TOX3: variants seen among roughly 807,000 people sequenced by gnomAD.
The protein encoded by TOX3 is CAG trinucleotide repeat-containing gene F9 protein.
In TOX3, 22 loss-of-function variants were observed where a neutral mutation model predicts 64.3. The ratio of observed to expected loss-of-function variants is 0.34; its 90% CI spans 0.24 to 0.49. The LOEUF is 0.49. TOX3 is among the 20% of genes least tolerant of loss of function. TOX3 has a pLI of 0.99. For missense variants in TOX3, 661 were observed against 714.4 expected, an observed-to-expected ratio of 0.93 and a Z score of 0.85; for synonymous variants, 291 against 273.6, an observed-to-expected ratio of 1.06 and a Z score of -0.63.
chr16:52,482,931 T>C (rs1961406256), intron 1 of TOX3, among the ~76,000 whole-genome samples: 1 of 152,158 alleles, frequency 6.6e-6, no homozygotes, highest in South Asian at 2.1e-4. Context: ...TTGGCCATAA[T>C]AAAAATAAGT....
chr16:52,470,272 T>C (rs192414397), intron 1 of TOX3, among the ~76,000 whole-genome samples: 20 of 152,370 alleles, frequency 1.3e-4, no homozygotes, highest in Non-Finnish European at 2.4e-4. Flanking sequence ...CAAATGTTCC[T>C]TTTGGATATT....
At chr16:52,546,467 G>T (rs533241695) in intron 1 of TOX3, among the ~76,000 whole-genome samples, 170 bp downstream of exon 1, 7 of 152,264 alleles carry the variant, frequency 4.6e-5, no homozygotes, top group African/African-American at 1.7e-4. Context: ...GTGGGATGGG[G>T]CAGAAAGAGA....
chr16:52,453,573 G>C lies in TOX3; in HGVS notation c.409-3027C>G, dbSNP rs147845627. Reference sequence around the variant, plus strand: ...AAATTCTAGGGCACATTTAAATGAAGTATTTTAATTCTGACTGTATAATAC... The same window carrying C: ...AAATTCTAGGGCACATTTAAATGAACTATTTTAATTCTGACTGTATAATAC... On this transcript the variant is annotated intron_variant, in intron 3 of 6. Coordinates refer to ENST00000219746, the MANE Select transcript of TOX3 (RefSeq NM_001080430.4). 7.9e-4 allele frequency among the ~76,000 whole-genome samples: 121 copies of C among 152,274 alleles called. 1 individual carries two copies. Among genetic ancestry groups the C allele is most frequent in the African/African-American group, 2.1e-3 (87 of 41,566 alleles).
intron 1 of TOX3, among the ~76,000 whole-genome samples, chr16:52,493,276 T>C (rs1188532103): frequency 6.6e-6 from 1 of 152,168 alleles, no homozygotes; most frequent in Non-Finnish European, 1.5e-5. Flanking sequence ...TATACCTATA[T>C]GCATAGCCAC....
In TOX3 at chr16:52,485,213, T is replaced by A. The variant is rs1444498580; in HGVS notation, c.88-16639A>T. 7.3e-5 allele frequency among the ~76,000 whole-genome samples: 10 copies of A among 136,554 alleles called. No individual in the cohort carries two copies. In the Admixed American group the frequency reaches 7.5e-4, roughly 10 times the overall value. 89.6% of individuals were successfully genotyped at this position (136,554 alleles called of 152,430 possible). ...TGTAGTGTGTGTGTATATGTGTGTG[T>A]GTATATACATGTGTGTGTGTGTATG... On this transcript the variant is annotated intron_variant, in intron 1 of 6. Transcript: ENST00000219746.
intron 1 of TOX3, among the ~76,000 whole-genome samples, chr16:52,492,434 G>A (rs1348678362): frequency 7.0e-6 from 1 of 143,788 alleles, no homozygotes; most frequent in East Asian, 2.0e-4. Context: ...ATATATATTA[G>A]TTTGAAAAAT....
At chr16:52,519,539 T>G in intron 1 of TOX3, 2 of 1,535,568 alleles carry the variant, frequency 1.3e-6, no homozygotes, top group Non-Finnish European at 8.8e-7. Context: ...GACTCTTCTG[T>G]CCTCTGCTGG....
rs545619492 is a variant in TOX3, at chr16:52,543,570, G to A, written c.87+3067C>T. Among the ~76,000 whole-genome samples the A allele has an allele frequency of 2.6e-5, 4 of 152,134 alleles. No homozygotes were observed. In the East Asian group the frequency reaches 7.7e-4, roughly 29 times the overall value. On this transcript the variant is annotated intron_variant, in intron 1 of 6. Coordinates refer to ENST00000219746, the MANE Select transcript of TOX3 (RefSeq NM_001080430.4). ...TGAGTTTTTATTTCTTAATATACAG[G>A]GTTTAATTTGTTAACCACACCAGAA...
At position 52,546,831 on chromosome 16, in the gene TOX3, G is replaced by A. The variant is rs1963206905; in HGVS notation, c.-108C>T. ...CGTCGAGGGCGCCCGGGGGTGGCGC[G>A]TGGGACTCGCGGCCGGAGGGGCGCC... On this transcript the variant is annotated 5_prime_UTR_variant, in exon 1 of 7. In the 5' UTR this introduces an upstream ATG that the reference lacks. Transcript: ENST00000219746. 1 of 1,256,810 alleles carries A rather than the reference G, an allele frequency of 8.0e-7. No homozygotes were observed. 77.9% of individuals were successfully genotyped at this position (1,256,810 alleles called of 1,614,324 possible).
chr16:52,439,498 C>CTGATTA lies in TOX3; in HGVS notation c.1457_1458insTAATCA (p.Met486delinsIleAsnGln). ...GCTGCTGCTGCTGCAGGTGCTGCTGCATGTGGTGCTGGAAATGCTGCTGCT... is the reference window on the plus strand; with the variant it reads ...GCTGCTGCTGCTGCAGGTGCTGCTGCTGATTAATGTGGTGCTGGAAATGCTGCTGCT... On this transcript the variant is annotated protein_altering_variant, in exon 7 of 7. Transcript: ENST00000219746. The CTGATTA allele has an allele frequency of 7.1e-7, 1 of 1,412,118 alleles. No homozygotes were observed. The highest frequency in any genetic ancestry group is 9.8e-7 in the Non-Finnish European group (1 of 1,020,378). 87.5% of individuals were successfully genotyped at this position (1,412,118 alleles called of 1,614,324 possible). A position where few individuals can be genotyped will look rare whatever the true frequency, so the allele number is the denominator to read the frequency against.
chr16:52,516,432 G>A (rs1962458406), intron 1 of TOX3, among the ~76,000 whole-genome samples: 1 of 152,172 alleles, frequency 6.6e-6, no homozygotes, highest in Admixed American at 6.5e-5. Flanking sequence ...CAGCAGCAAT[G>A]AAGGAGAAAA....
At chr16:52,477,203 T>C (rs1278220236) in intron 1 of TOX3, among the ~76,000 whole-genome samples, 1 of 152,110 alleles carries the variant, frequency 6.6e-6, no homozygotes, top group Non-Finnish European at 1.5e-5. Context: ...ACACAGGCTG[T>C]GTTCAAAGAA....
chr16:52,463,080 T>C (rs192819364), intron 3 of TOX3, among the ~76,000 whole-genome samples: 16 of 152,272 alleles, frequency 1.1e-4, no homozygotes, highest in South Asian at 4.1e-4. Context: ...CAGAGAAATA[T>C]GTAAACAAGC....
chr16:52,546,770 G>A lies in TOX3; in HGVS notation c.-47C>T. ...GGGGGCCGGGACTGGGGTTCGCCGG[G>A]GCCGGGACCCGCCTCCTCGCCGCCG... On this transcript the variant is annotated 5_prime_UTR_variant, in exon 1 of 7. Transcript: ENST00000219746. 3 of 1,447,302 alleles carry A rather than the reference G, an allele frequency of 2.1e-6. No homozygotes were observed. Among genetic ancestry groups the A allele is most frequent in the Non-Finnish European group, 2.7e-6 (3 of 1,101,066 alleles). The allele number at this position is 1,447,302 out of a possible 1,614,324, so 89.7% of individuals were successfully genotyped here. A position where few individuals can be genotyped will look rare whatever the true frequency, so the allele number is the denominator to read the frequency against.
intron 1 of TOX3, among the ~76,000 whole-genome samples, chr16:52,522,330 C>A (rs1962629457): frequency 6.6e-6 from 1 of 152,124 alleles, no homozygotes; most frequent in African/African-American, 2.4e-5. Flanking sequence ...TAGACAGTTT[C>A]CAAATAGTGC....
intron 1 of TOX3, among the ~76,000 whole-genome samples, chr16:52,546,124 C>T (rs985099544): frequency 6.6e-6 from 1 of 152,032 alleles, no homozygotes; most frequent in Non-Finnish European, 1.5e-5. Context: ...TCCCCCCACT[C>T]CCCTGTCCAG....
At chr16:52,458,301 A>G (rs1242424040) in intron 3 of TOX3, among the ~76,000 whole-genome samples, 2 of 152,168 alleles carry the variant, frequency 1.3e-5, no homozygotes, top group Non-Finnish European at 2.9e-5. Flanking sequence ...TGGAGCTTCT[A>G]TTCTGGTAGG....
Position 52,439,573 on chromosome 16 carries a change from C to T in TOX3, c.1383G>A (p.Gln461=), listed in dbSNP as rs1959878953. Residue 461 remains glutamine (Q), a synonymous_variant, in exon 7 of 7, where the codon CAG becomes CAA. Transcript: ENST00000219746. ...QQQQQMQQMQ[Q]QQLQQHQMHQ... ...GCATTTGGTGCTGCTGGAGTTGCTG[C>T]TGCTGCATCTGTTGCATCTGTTGTT... The T allele has an allele frequency of 1.3e-6, 2 of 1,565,756 alleles. No individual in the cohort carries two copies. The highest frequency in any genetic ancestry group is 1.9e-5 in the Admixed American group (1 of 53,624).
intron 1 of TOX3, among the ~76,000 whole-genome samples, chr16:52,528,081 TC>T (rs1326031855): frequency 6.6e-6 from 1 of 152,192 alleles, no homozygotes; most frequent in Non-Finnish European, 1.5e-5. Context: ...CAGCAGGGCA[TC>T]TACTGGTGAC....
Sources: gnomAD v4.1 joint callset for allele counts (sites outside exome capture counted in the v4.1 genomes callset) on GRCh38, gnomAD v4.1.1 for gene constraint, MANE v1.5 for transcripts, NCBI Gene and HGNC (gene_info 2026-07-23, HGNC 2026-07-21) for gene names.